Variants in GMDS observed in about 807,000 individuals in gnomAD.
GMDS encodes the protein GDP-mannose 4,6-dehydratase.
GMDS carries 20 observed loss-of-function variants against 49.9 expected under a neutral mutation model. That is an observed-to-expected ratio of 0.40 (90% confidence interval 0.28 to 0.58). GMDS has a LOEUF of 0.58. Ranked by LOEUF, GMDS falls within the 20% of genes least tolerant of loss-of-function variation. GMDS has a pLI of 0.42. For missense variants in GMDS, 362 were observed against 481.4 expected, an observed-to-expected ratio of 0.75 and a Z score of 2.32; for synonymous variants, 177 against 178.6, an observed-to-expected ratio of 0.99 and a Z score of 0.07.
chr6:2,203,855 A>G (rs1022317226), intron 1 of GMDS, among the ~76,000 whole-genome samples: 1 of 152,192 alleles, frequency 6.6e-6, no homozygotes, highest in African/African-American at 2.4e-5. Context: ...GTAAATGATC[A>G]CACGATTTCA....
At chr6:1,925,632 T>C (rs756756063) in intron 7 of GMDS, among the ~76,000 whole-genome samples, 1 of 152,214 alleles carries the variant, frequency 6.6e-6, no homozygotes, top group African/African-American at 2.4e-5. Context: ...GGAAATTCAC[T>C]GACAAGTAAA....
At chr6:1,863,097 A>G (rs1231243225) in intron 7 of GMDS, among the ~76,000 whole-genome samples, 1 of 152,172 alleles carries the variant, frequency 6.6e-6, no homozygotes, top group African/African-American at 2.4e-5. Context: ...CTGATTTTAA[A>G]CATTAAATTC....
intron 1 of GMDS, among the ~76,000 whole-genome samples, chr6:2,219,449 T>C (rs957745449): frequency 5.3e-5 from 8 of 152,212 alleles, no homozygotes; most frequent in Admixed American, 1.3e-4. Context: ...CAGGATCCTC[T>C]AAACCAGTGC....
chr6:2,085,664 G>A lies in GMDS; in HGVS notation c.345+30107C>T, dbSNP rs115045751. On this transcript the variant is annotated intron_variant, in intron 4 of 10. Transcript: ENST00000380815. Reference sequence around the variant, plus strand: ...CTCACTTCAGCCTCCAAGTAACTGGGACTACAGGCGCTCACCACCACACCG... The same window carrying A: ...CTCACTTCAGCCTCCAAGTAACTGGAACTACAGGCGCTCACCACCACACCG... Among the ~76,000 whole-genome samples the A allele has an allele frequency of 7.9e-3, 1,197 of 152,120 alleles. 11 individuals carry two copies. The highest frequency in any genetic ancestry group is 0.014 in the Middle Eastern group (4 of 294).
chr6:2,155,452 T>C (rs1200630522), intron 1 of GMDS, among the ~76,000 whole-genome samples: 2 of 152,178 alleles, frequency 1.3e-5, no homozygotes, highest in Admixed American at 1.3e-4. Flanking sequence ...CTGAACCTTG[T>C]GACCAAAGGC....
Position 2,119,387 on chromosome 6 carries a change from C to CT in GMDS, c.148-1832dup, listed in dbSNP as rs954447957. Among the ~76,000 whole-genome samples, 897 of 151,270 alleles carry CT rather than the reference C, an allele frequency of 5.9e-3. 6 individuals carry two copies. The highest frequency in any genetic ancestry group is 0.02 in the African/African-American group (844 of 41,260). On this transcript the variant is annotated intron_variant, in intron 2 of 10. Transcript: ENST00000380815. ...AATCAAAAGCATTAAGCACTGGTTGCTTTTTTTTTAAATCAAGTGTTTTAA... is the reference window on the plus strand; with the variant it reads ...AATCAAAAGCATTAAGCACTGGTTGCTTTTTTTTTTAAATCAAGTGTTTTAA...
intron 9 of GMDS, among the ~76,000 whole-genome samples, chr6:1,719,574 G>T (rs533296896): frequency 6.6e-6 from 1 of 150,854 alleles, no homozygotes; most frequent in South Asian, 2.1e-4. Flanking sequence ...TGTTATTTTG[G>T]AAGATAAATA....
chr6:1,796,385 G>A (rs1769735854), intron 7 of GMDS, among the ~76,000 whole-genome samples: 1 of 152,196 alleles, frequency 6.6e-6, no homozygotes, highest in African/African-American at 2.4e-5. Flanking sequence ...TACTCTTAGT[G>A]TATTTTCAGA....
At chr6:2,179,693 T>C (rs967278166) in intron 1 of GMDS, among the ~76,000 whole-genome samples, 1 of 152,200 alleles carries the variant, frequency 6.6e-6, no homozygotes, top group Non-Finnish European at 1.5e-5. Context: ...AGTATTTTGT[T>C]ACAGTAGCAC....
At chr6:1,774,498 A>C (rs1768712798) in intron 7 of GMDS, among the ~76,000 whole-genome samples, 3 of 152,222 alleles carry the variant, frequency 2.0e-5, no homozygotes, top group African/African-American at 7.2e-5. Flanking sequence ...GCATGAGGCA[A>C]TCTCTCACTG....
intron 9 of GMDS, among the ~76,000 whole-genome samples, chr6:1,645,813 G>A (rs1763466467): frequency 6.6e-6 from 1 of 152,236 alleles, no homozygotes; most frequent in Admixed American, 6.5e-5. Flanking sequence ...CCTGTGAGAA[G>A]TCTCCACATG....
At chr6:1,856,311 G>T (rs879352722) in intron 7 of GMDS, among the ~76,000 whole-genome samples, 7 of 152,170 alleles carry the variant, frequency 4.6e-5, no homozygotes, top group Admixed American at 1.3e-4. Flanking sequence ...TCACAGAAAT[G>T]TGCTCTAACC....
chr6:1,994,996 A>T (rs1766188159), intron 4 of GMDS, among the ~76,000 whole-genome samples: 1 of 152,208 alleles, frequency 6.6e-6, no homozygotes, highest in Non-Finnish European at 1.5e-5. Flanking sequence ...GTATGATTGG[A>T]TCACACAAAA....
At position 2,029,270 on chromosome 6, in the gene GMDS, A is replaced by T. The variant is rs1212640032; in HGVS notation, c.346-68304T>A. ...ATATATTTACACACACACCCTAACC[A>T]GATATTTTGCAACTACATTAAAATA... On this transcript the variant is annotated intron_variant, in intron 4 of 10. Transcript: ENST00000380815. 2.0e-5 allele frequency among the ~76,000 whole-genome samples: 3 copies of T among 151,994 alleles called. No individual in the cohort carries two copies. The East Asian group carries it at 5.8e-4, about 29-fold the overall frequency.
intron 7 of GMDS, among the ~76,000 whole-genome samples, chr6:1,777,996 G>T (rs921917793): frequency 6.6e-6 from 1 of 152,100 alleles, no homozygotes; most frequent in African/African-American, 2.4e-5. Flanking sequence ...ACAGATGGAA[G>T]AGCTGAATGG....
rs372120141 is a variant in GMDS, at chr6:1,871,186, G to A, written c.771+58917C>T. On this transcript the variant is annotated intron_variant, in intron 7 of 10. Coordinates refer to ENST00000380815, the MANE Select transcript of GMDS (RefSeq NM_001500.4). ...CAGAAAGGGGAGGGGAGAACAAGCT[G>A]GGGGACCCTCCAGCTGGGACCTGTT... Among the ~76,000 whole-genome samples, 15 of 152,094 alleles carry A rather than the reference G, an allele frequency of 9.9e-5. 1 individual carries two copies. Among genetic ancestry groups the A allele is most frequent in the Admixed American group, 2.6e-4 (4 of 15,266 alleles).
At chr6:2,088,271 C>T (rs1348969140) in intron 4 of GMDS, among the ~76,000 whole-genome samples, 1 of 152,104 alleles carries the variant, frequency 6.6e-6, no homozygotes, top group African/African-American at 2.4e-5. Context: ...GGGAGGTATT[C>T]AGCTAATGCT....
intron 1 of GMDS, among the ~76,000 whole-genome samples, chr6:2,176,885 C>T (rs1198042730): frequency 1.3e-5 from 2 of 152,020 alleles, no homozygotes; most frequent in African/African-American, 2.4e-5. Context: ...GGGGACACCT[C>T]GAAAAGATGT....
At chr6:2,151,579 G>T (rs1392677599) in intron 1 of GMDS, among the ~76,000 whole-genome samples, 1 of 151,954 alleles carries the variant, frequency 6.6e-6, no homozygotes, top group Non-Finnish European at 1.5e-5. Flanking sequence ...AGCTCTTAGT[G>T]TAACCTATTA....
Sources: gnomAD v4.1 joint callset for allele counts (sites outside exome capture counted in the v4.1 genomes callset) on GRCh38, gnomAD v4.1.1 for gene constraint, MANE v1.5 for transcripts, NCBI Gene and HGNC (gene_info 2026-07-23, HGNC 2026-07-21) for gene names.